The following GYS2 variants were observed in gnomAD, a reference collection of about 807,000 sequenced individuals.
GYS2 encodes glycogen synthase 2.
Under a neutral mutation model 85.6 loss-of-function variants are expected in GYS2, and 80 were observed. The ratio of observed to expected loss-of-function variants is 0.93; its 90% confidence interval spans 0.78 to 1.13. The LOEUF is 1.13. GYS2 is among the 50% of genes most tolerant of loss of function. The pLI is 0.00. For missense variants in GYS2, 881 were observed against 854.9 expected (o/e 1.03, Z -0.38); for synonymous variants, 328 against 300.7 (o/e 1.09, Z -0.94).
rs187966461 is a variant in GYS2 at position 21,563,491 on chromosome 12, T to C, written c.824-146A>G. The C allele has an allele frequency of 1.6e-3, 944 of 608,076 alleles. 3 individuals are homozygous for C. Among genetic ancestry groups the C allele is most frequent in the Non-Finnish European group, 2.4e-3 (837 of 343,640 alleles). The allele number at this position is 608,076 out of a possible 1,614,324, so 37.7% of individuals were successfully genotyped here. ...CATAAAATTTAAAATTTATAAAACTTCCAGTTCATAAAAAATTCATAAAAA... is the reference window on the plus strand; with the variant it reads ...CATAAAATTTAAAATTTATAAAACTCCCAGTTCATAAAAAATTCATAAAAA... On this transcript the variant is annotated intron_variant, in intron 5 of 15. Coordinates refer to ENST00000261195, the MANE Select transcript of GYS2 (RefSeq NM_021957.4).
intron 12 of GYS2, 38 bp from the exon 13 acceptor site, chr12:21,542,629 A>C (rs768777836): frequency 4.3e-6 from 6 of 1,380,416 alleles, no homozygotes; most frequent in Non-Finnish European, 6.2e-6. Flanking sequence ...GCTTCAGACC[A>C]GCGCCTATAT....
Position 21,537,148 on chromosome 12 carries a change from A to C in GYS2, c.1918T>G (p.Ser640Ala). ...CCTGAAGGAGAAGGTGGTACTGAGG[A>C]AGGCCTGGGATATTTAAATCCTTCT... ...TTEGFKYPRP[S>A]SVPPSPSGSQ... The change falls in exon 16 of 16, where the codon TCC becomes GCC. Residue 640 changes from serine to alanine, a missense_variant. Transcript: ENST00000261195. 2 of 1,613,748 alleles carry C rather than the reference A, an allele frequency of 1.2e-6. No individual in the cohort carries two copies. The highest frequency in any genetic ancestry group is 1.7e-6 in the Non-Finnish European group (2 of 1,179,692).
intron 1 of GYS2, among the ~76,000 whole-genome samples, chr12:21,588,945 A>T (rs1350122775): frequency 2.0e-5 from 3 of 152,236 alleles, no homozygotes; most frequent in African/African-American, 7.2e-5. Flanking sequence ...AATATATCTA[A>T]GCTTTCTTCA....
intron 1 of GYS2, among the ~76,000 whole-genome samples, chr12:21,600,160 C>A (rs1395863165): frequency 1.3e-5 from 2 of 152,130 alleles, no homozygotes; most frequent in East Asian, 1.9e-4. Flanking sequence ...CACTCTGTCA[C>A]CCCGGCTGGA....
At chr12:21,561,876 G>T (rs1437708326) in intron 7 of GYS2, among the ~76,000 whole-genome samples, 2 of 152,044 alleles carry the variant, frequency 1.3e-5, no homozygotes, top group African/African-American at 4.8e-5. Flanking sequence ...CTGCTCTAAA[G>T]CAAAAAATTT....
chr12:21,590,632 A>G (rs1944627653), intron 1 of GYS2, among the ~76,000 whole-genome samples: 1 of 152,180 alleles, frequency 6.6e-6, no homozygotes, highest in Non-Finnish European at 1.5e-5. Context: ...CCAGTCTACT[A>G]TGGCCACTAC....
rs529997706 is a variant in GYS2, at chr12:21,550,897, G to A, written c.1423-4427C>T. ...GCAGAGGTTGCAGTGAACGGAGATC[G>A]TGCCACTGCACTCCAGCCTGGGCGA... On this transcript the variant is annotated intron_variant, in intron 11 of 15. Transcript: ENST00000261195. Among the ~76,000 whole-genome samples, 219 of 152,208 alleles carry A rather than the reference G, an allele frequency of 1.4e-3. 1 individual carries two copies. The highest frequency in any genetic ancestry group is 1.5e-3 in the Non-Finnish European group (99 of 68,012).
chr12:21,559,540 T>A (rs1301091732), intron 9 of GYS2, 111 bp downstream of exon 9: 4 of 729,210 alleles, frequency 5.5e-6, no homozygotes, highest in Non-Finnish European at 9.8e-6. Flanking sequence ...TTTCAAAGGT[T>A]ATTAATTCCT....
chr12:21,595,782 C>T (rs1325326269), intron 1 of GYS2, among the ~76,000 whole-genome samples: 2 of 151,966 alleles, frequency 1.3e-5, no homozygotes, highest in Non-Finnish European at 2.9e-5. Flanking sequence ...ACTGGAGCTC[C>T]CAAATTTATA....
chr12:21,571,369 G>A (rs1290844183), intron 4 of GYS2, among the ~76,000 whole-genome samples: 13 of 152,106 alleles, frequency 8.5e-5, no homozygotes, highest in Admixed American at 8.5e-4. Context: ...GGACATATCT[G>A]GACCTGGTCT....
At chr12:21,586,566 C>T (rs1413165679) in intron 1 of GYS2, among the ~76,000 whole-genome samples, 1 of 151,284 alleles carries the variant, frequency 6.6e-6, no homozygotes, top group Non-Finnish European at 1.5e-5. Flanking sequence ...CAATAAACGT[C>T]AAAAAAAAGT....
At chr12:21,535,257 G>C (rs1471500376), downstream of GYS2, 1 of 7,044 alleles carries the variant, frequency 1.4e-4, no homozygotes. Flanking sequence ...CAAGCAACCA[G>C]TTACCAATCG....
chr12:21,550,664 G>T (rs972627390), intron 11 of GYS2, among the ~76,000 whole-genome samples: 5 of 152,170 alleles, frequency 3.3e-5, no homozygotes, highest in African/African-American at 1.2e-4. Flanking sequence ...AGACAGGCCG[G>T]GTACCGTGGC....
intron 4 of GYS2, among the ~76,000 whole-genome samples, chr12:21,573,351 CTAAA>C (rs1406205838): frequency 9.9e-5 from 15 of 152,044 alleles, no homozygotes; most frequent in African/African-American, 3.4e-4. Context: ...CCCTAGAGTA[CTAAA>C]TAGATTTGAT....
chr12:21,569,128 C>CA, intron 4 of GYS2, 119 bp from the exon 5 acceptor site: 1 of 930,436 alleles, frequency 1.1e-6, no homozygotes, highest in Non-Finnish European at 1.7e-6. Context: ...TTTATGACCA[C>CA]AAAAAAGTAA....
chr12:21,564,714 A>C (rs1037106622), intron 5 of GYS2, among the ~76,000 whole-genome samples: 5 of 152,192 alleles, frequency 3.3e-5, no homozygotes, highest in African/African-American at 1.2e-4. Flanking sequence ...ACATCTTAAA[A>C]TGTATTTATC....
At chr12:21,573,531 C>T (rs1351117164) in intron 4 of GYS2, among the ~76,000 whole-genome samples, 4 of 152,120 alleles carry the variant, frequency 2.6e-5, no homozygotes, top group African/African-American at 9.7e-5. Context: ...AGGTCATAGA[C>T]TCAGGTAACC....
chr12:21,562,424 G>A (rs1944264948), intron 7 of GYS2, among the ~76,000 whole-genome samples: 2 of 152,204 alleles, frequency 1.3e-5, no homozygotes, highest in South Asian at 4.1e-4. Flanking sequence ...GATGGTCAGA[G>A]CTTCCTATGA....
At chr12:21,567,371 G>A (rs1006077507) in intron 5 of GYS2, among the ~76,000 whole-genome samples, 1 of 152,000 alleles carries the variant, frequency 6.6e-6, no homozygotes, top group Admixed American at 6.6e-5. Context: ...GAAAAAGGAA[G>A]ATCCAAGAGA....
Sources: gnomAD v4.1 joint callset for allele counts (sites outside exome capture counted in the v4.1 genomes callset) on GRCh38, gnomAD v4.1.1 for gene constraint, MANE v1.5 for transcripts, NCBI Gene and HGNC (gene_info 2026-07-23, HGNC 2026-07-21) for gene names.